The following CYP2B6 variants were observed in gnomAD, a reference collection of about 807,000 sequenced individuals.
CYP2B6 encodes the protein cytochrome P450 2B6.
Under a neutral mutation model 43.4 loss-of-function variants are expected in CYP2B6, and 35 were observed. The observed-to-expected ratio is 0.81, with a 90% CI of 0.62 to 1.07. CYP2B6 has a LOEUF of 1.07. CYP2B6 is among the 50% of genes least tolerant of loss of function. The pLI is 0.00. For missense variants in CYP2B6, 624 were observed against 632.8 expected (o/e 0.99, Z 0.15); for synonymous variants, 239 against 239.2 (o/e 1.00, Z 0.01).
Position 41,010,160 on chromosome 19 carries a change from G to A in CYP2B6, c.964+25G>A, listed in dbSNP as rs1429564798. ...GGTGGGCCAGGGACAGCCAGTCAAG[G>A]GGGTCTTCTGACCTCCTTCTGAGCT... On this transcript the variant is annotated intron_variant, in intron 6 of 8. Transcript: ENST00000324071. The A allele has an allele frequency of 1.9e-6, 3 of 1,611,718 alleles. No homozygotes were observed. The African/African-American group carries it at 4.0e-5, about 22-fold the overall frequency.
chr19:41,009,951 A>G, intron 5 of CYP2B6, 43 bp from the exon 6 acceptor site: 2 of 1,613,276 alleles, frequency 1.2e-6, no homozygotes, highest in South Asian at 2.2e-5. Context: ...GCAAGGCTAC[A>G]GCCTCCCCTG....
At chr19:41,010,559 G>T (rs1370316041) in intron 6 of CYP2B6, among the ~76,000 whole-genome samples, 1 of 151,732 alleles carries the variant, frequency 6.6e-6, no homozygotes, top group Non-Finnish European at 1.5e-5. Flanking sequence ...AACTACAGGC[G>T]CCTGCCACCA....
At chr19:41,015,324 G>A (rs538837582) in intron 8 of CYP2B6, among the ~76,000 whole-genome samples, 196 of 152,296 alleles carry the variant, frequency 1.3e-3, no homozygotes, top group African/African-American at 4.5e-3. Context: ...CAGAAGAACA[G>A]GCCCAGAGAC....
intron 6 of CYP2B6, 51 bp from the exon 7 acceptor site, chr19:41,012,247 G>C (rs745546137): frequency 2.2e-5 from 35 of 1,580,306 alleles, no homozygotes; most frequent in Non-Finnish European, 2.9e-5. Flanking sequence ...ACCATGCCTG[G>C]CCTGAAATGC....
At chr19:41,011,210 A>G (rs1969278385) in intron 6 of CYP2B6, among the ~76,000 whole-genome samples, 1 of 152,050 alleles carries the variant, frequency 6.6e-6, no homozygotes, top group Non-Finnish European at 1.5e-5. Context: ...TTCACCCTTA[A>G]TCCATCCGTG....
At chr19:40,994,530 T>TG (rs1400764831) in intron 1 of CYP2B6, among the ~76,000 whole-genome samples, 2 of 152,116 alleles carry the variant, frequency 1.3e-5, no homozygotes, top group Non-Finnish European at 2.9e-5. Context: ...TTAATAGAGT[T>TG]GGGGTCGTGC....
rs745458475 is a variant in CYP2B6, at chr19:41,010,122, C to A, written c.951C>A (p.Tyr317Ter). 1.2e-6 allele frequency: 2 copies of A among 1,613,418 alleles called. No homozygotes were observed. Among genetic ancestry groups the A allele is most frequent in the Non-Finnish European group, 1.7e-6 (2 of 1,180,024 alleles). The change falls in exon 6 of 9, where the codon TAC becomes TAA. Residue 317 changes from tyrosine to a stop codon, truncating the protein, a stop_gained. Coordinates refer to ENST00000324071, the MANE Select transcript of CYP2B6 (RefSeq NM_000767.5). LOFTEE classifies it high-confidence loss of function. ...LRYGFLLMLK[Y>*]PHVAERVYRE... is the part of the protein sequence containing the mutation. ...ACGGCTTCCTGCTCATGCTCAAATACCCTCATGTTGCAGGTGGGCCAGGGA... is the reference window on the plus strand; with the variant it reads ...ACGGCTTCCTGCTCATGCTCAAATAACCTCATGTTGCAGGTGGGCCAGGGA...
intron 1 of CYP2B6, among the ~76,000 whole-genome samples, chr19:40,994,309 A>G (rs1339079801): frequency 6.6e-6 from 1 of 152,080 alleles, no homozygotes; most frequent in African/African-American, 2.4e-5. Context: ...ACCTCAAGAT[A>G]CTCAAGGTAG....
In CYP2B6 at chr19:41,003,858, G is replaced by A. The variant is rs1358142644; in HGVS notation, c.172-143G>A. The A allele has an allele frequency of 6.5e-6, 7 of 1,084,630 alleles. No homozygotes were observed. The East Asian group carries it at 7.7e-5, about 12-fold the overall frequency. 67.2% of individuals were successfully genotyped at this position (1,084,630 alleles called of 1,614,324 possible). A position where few individuals can be genotyped will look rare whatever the true frequency, so the allele number is the denominator to read the frequency against. On this transcript the variant is annotated intron_variant, in intron 1 of 8. Coordinates refer to ENST00000324071, the MANE Select transcript of CYP2B6 (RefSeq NM_000767.5). Reference sequence around the variant, plus strand: ...TTAACCATTAACCCTTAATTGCTGGGTCCCAGCAGGGGAAAGGGCAGCCTG... The same window carrying A: ...TTAACCATTAACCCTTAATTGCTGGATCCCAGCAGGGGAAAGGGCAGCCTG...
chr19:40,999,397 T>C (rs1412898338), intron 1 of CYP2B6, among the ~76,000 whole-genome samples: 2 of 152,008 alleles, frequency 1.3e-5, no homozygotes, highest in Non-Finnish European at 2.9e-5. Context: ...TGGTAGTTTC[T>C]TTTGCTGTGC....
At chr19:41,014,823 A>G (rs1487319773) in intron 8 of CYP2B6, among the ~76,000 whole-genome samples, 1 of 151,184 alleles carries the variant, frequency 6.6e-6, no homozygotes, top group Non-Finnish European at 1.5e-5. Context: ...ACGTAAGGAG[A>G]AGGAGGAGGA....
chr19:40,999,562 G>A (rs11880631), intron 1 of CYP2B6, among the ~76,000 whole-genome samples: 12,528 of 152,024 alleles, frequency 0.082, 1,725 homozygotes, highest in African/African-American at 0.28. Context: ...TAGGTCTAAC[G>A]TTTAAGTCTT....
chr19:41,013,044 C>A, intron 8 of CYP2B6: 1 of 571,498 alleles, frequency 1.7e-6, no homozygotes, highest in African/African-American at 1.9e-5. Context: ...AGTATTTTAA[C>A]ATCTCTAAAC....
intron 1 of CYP2B6, among the ~76,000 whole-genome samples, chr19:40,997,831 G>C (rs1969020059): frequency 6.7e-6 from 1 of 149,740 alleles, no homozygotes; most frequent in Non-Finnish European, 1.5e-5. Flanking sequence ...AAGAGGTGGT[G>C]GCTTATACCT....
In CYP2B6 at chr19:41,012,327, A is replaced by T. The variant is rs753259600; in HGVS notation, c.994A>T (p.Ile332Phe). 2.5e-5 allele frequency: 40 copies of T among 1,613,992 alleles called. No homozygotes were observed. In the Middle Eastern group the frequency reaches 1.3e-3, roughly 53 times the overall value. ...ERVYREIEQVIGPHRPPELHD... is the reference protein window; with the variant it reads ...ERVYREIEQVFGPHRPPELHD... ...AGTCTACAGGGAGATTGAACAGGTG[A>T]TTGGCCCACATCGCCCTCCAGAGCT... Residue 332 changes from isoleucine (I) to phenylalanine (F), a missense_variant, in exon 7 of 9, where the codon ATT (isoleucine) becomes TTT (phenylalanine). Ile to Phe is a conservative substitution (Grantham distance 21). Coordinates refer to ENST00000324071, the MANE Select transcript of CYP2B6 (RefSeq NM_000767.5).
chr19:41,010,390 GTTTGTTT>G (rs1309325651), intron 6 of CYP2B6, among the ~76,000 whole-genome samples: 7 of 149,216 alleles, frequency 4.7e-5, no homozygotes, highest in Admixed American at 1.3e-4. Context: ...TTGTTTGTTT[GTTTGTTT>G]TTTGTTTTTT....
intron 1 of CYP2B6, among the ~76,000 whole-genome samples, chr19:40,997,512 A>C (rs1229009675): frequency 6.6e-6 from 1 of 152,086 alleles, no homozygotes; most frequent in African/African-American, 2.4e-5. Flanking sequence ...CCAAGTACAG[A>C]GTATATATGC....
At position 41,012,382 on chromosome 19, in the gene CYP2B6, A is replaced by G. The variant is rs757834610; in HGVS notation, c.1049A>G (p.Glu350Gly). 1 of 1,614,100 alleles carries G rather than the reference A, an allele frequency of 6.2e-7. No homozygotes were observed. The highest frequency in any genetic ancestry group is 8.5e-7 in the Non-Finnish European group (1 of 1,180,006). ...GACCGAGCCAAAATGCCATACACAG[A>G]GGCAGTCATCTATGAGATTCAGAGA... ...LHDRAKMPYT[E>G]AVIYEIQRFS... Residue 350 changes from glutamate to glycine, a missense_variant, in exon 7 of 9, where the codon GAG becomes GGG. Glu to Gly is a moderately conservative substitution (Grantham distance 98). Coordinates refer to ENST00000324071, the MANE Select transcript of CYP2B6 (RefSeq NM_000767.5).
chr19:40,998,309 G>A (rs932191401), intron 1 of CYP2B6, among the ~76,000 whole-genome samples: 4 of 152,034 alleles, frequency 2.6e-5, no homozygotes, highest in South Asian at 2.1e-4. Context: ...CCCACTGCCC[G>A]CTTTCTTTAT....
Sources: gnomAD v4.1 joint callset for allele counts (sites outside exome capture counted in the v4.1 genomes callset) on GRCh38, gnomAD v4.1.1 for gene constraint, MANE v1.5 for transcripts, NCBI Gene and HGNC (gene_info 2026-07-23, HGNC 2026-07-21) for gene names.